The following EXOC2 variants were observed in gnomAD, a reference collection of about 807,000 sequenced individuals.
The protein encoded by EXOC2 is SEC5-like 1.
A neutral mutation model predicts 131.8 loss-of-function variants in EXOC2; 70 were observed. That is an observed-to-expected ratio of 0.53 (90% CI 0.44 to 0.65). The LOEUF is 0.65. Ranked by LOEUF, EXOC2 falls within the 30% of genes least tolerant of loss-of-function variation. The pLI is 0.00. For missense variants in EXOC2, 923 were observed against 1,108.6 expected (o/e 0.83, Z 2.38); for synonymous variants, 411 against 398.4 (o/e 1.03, Z -0.38).
In EXOC2 at chr6:486,629, A is replaced by G; in HGVS notation, c.*42T>C. On this transcript the variant is annotated 3_prime_UTR_variant, in exon 28 of 28. Coordinates refer to ENST00000230449, the MANE Select transcript of EXOC2 (RefSeq NM_018303.6). The stretch of plus-strand genomic sequence containing the variant: ...GGGTACTTAGAGAGTGAACAGTCTT[A>G]TTACGTGTTATTTTCCTGGACTTCT... 6.6e-7 allele frequency: 1 copy of G among 1,514,786 alleles called. No homozygotes were observed. The highest frequency in any genetic ancestry group is 9.2e-7 in the Non-Finnish European group (1 of 1,089,432). 93.8% of individuals were successfully genotyped at this position (1,514,786 alleles called of 1,614,324 possible).
chr6:587,911 T>C (rs1193486329), intron 11 of EXOC2, among the ~76,000 whole-genome samples: 1 of 152,226 alleles, frequency 6.6e-6, no homozygotes, highest in Non-Finnish European at 1.5e-5. Context: ...AAGAATTACA[T>C]ACTGAATTAA....
intron 4 of EXOC2, among the ~76,000 whole-genome samples, chr6:620,742 T>TC (rs1761246364): frequency 1.3e-5 from 2 of 152,316 alleles, no homozygotes; most frequent in African/African-American, 4.8e-5. Context: ...AACATTTTTT[T>TC]CTTCCCTCTT....
At chr6:512,231 C>T (rs1167007427) in intron 23 of EXOC2, among the ~76,000 whole-genome samples, 2 of 152,212 alleles carry the variant, frequency 1.3e-5, no homozygotes, top group African/African-American at 4.8e-5. Context: ...AGTTGGTCCA[C>T]GAACAATACA....
At chr6:604,817 C>T (rs1760312790) in intron 7 of EXOC2, among the ~76,000 whole-genome samples, 1 of 151,478 alleles carries the variant, frequency 6.6e-6, no homozygotes, top group Non-Finnish European at 1.5e-5. Context: ...ACCTGCCTCC[C>T]TCCACTCAGC....
At chr6:513,324 G>A (rs558074659) in intron 23 of EXOC2, among the ~76,000 whole-genome samples, 5 of 152,374 alleles carry the variant, frequency 3.3e-5, no homozygotes, top group African/African-American at 9.6e-5. Context: ...CAGCCCCAGT[G>A]AGGCTAAATG....
chr6:668,600 A>T (rs1561993846), intron 1 of EXOC2, among the ~76,000 whole-genome samples: 1 of 152,132 alleles, frequency 6.6e-6, no homozygotes, highest in Non-Finnish European at 1.5e-5. Flanking sequence ...AACCTCCCTC[A>T]GCCCCAGGTT....
At chr6:542,930 G>A (rs749960379) in intron 22 of EXOC2, among the ~76,000 whole-genome samples, 3 of 152,200 alleles carry the variant, frequency 2.0e-5, no homozygotes, top group Non-Finnish European at 4.4e-5. Flanking sequence ...CAGGCAGTAC[G>A]GAGTCCTGAA....
chr6:532,968 G>A (rs1477580265), intron 22 of EXOC2, among the ~76,000 whole-genome samples: 1 of 152,234 alleles, frequency 6.6e-6, no homozygotes, highest in African/African-American at 2.4e-5. Flanking sequence ...GAAGGCAAAG[G>A]GGAAGCAAGG....
At chr6:568,464 C>T (rs1299211903) in intron 13 of EXOC2, among the ~76,000 whole-genome samples, 2 of 152,242 alleles carry the variant, frequency 1.3e-5, no homozygotes, top group Non-Finnish European at 2.9e-5. Flanking sequence ...GCAATGCATC[C>T]TGCAGACCCT....
intron 10 of EXOC2, among the ~76,000 whole-genome samples, chr6:595,016 G>C (rs903407836): frequency 6.6e-6 from 1 of 152,088 alleles, no homozygotes; most frequent in Non-Finnish European, 1.5e-5. Flanking sequence ...TAAGAATAAA[G>C]GAAGTTTTTA....
intron 23 of EXOC2, among the ~76,000 whole-genome samples, chr6:522,995 C>A (rs770894901): frequency 1.2e-4 from 19 of 152,088 alleles, no homozygotes; most frequent in Non-Finnish European, 2.2e-4. Flanking sequence ...AAAGAAGAAA[C>A]CTGAACAAAA....
chr6:557,617 C>A (rs1474230587), intron 17 of EXOC2, among the ~76,000 whole-genome samples: 881 of 110,888 alleles, frequency 7.9e-3, no homozygotes, highest in East Asian at 0.011. Flanking sequence ...GACTTCATCT[C>A]AAAAAAAAAA....
Position 555,287 on chromosome 6 carries a change from A to C in EXOC2, c.1994T>G (p.Val665Gly). 1 of 1,517,546 alleles carries C rather than the reference A, an allele frequency of 6.6e-7. No homozygotes were observed. The highest frequency in any genetic ancestry group is 8.9e-7 in the Non-Finnish European group (1 of 1,117,784). The allele number at this position is 1,517,546 out of a possible 1,614,324, so 94.0% of individuals were successfully genotyped here. The change falls in exon 20 of 28, where the codon GTT (valine) becomes GGT (glycine). Residue 665 changes from valine to glycine, a missense_variant and splice_region_variant. Coordinates refer to ENST00000230449, the MANE Select transcript of EXOC2 (RefSeq NM_018303.6). Reference sequence around the variant, plus strand: ...CAACTGTTCCAGACAGTATATAAAAACCTAAGTGAAAACATAAGTTTCAGA... The same window carrying C: ...CAACTGTTCCAGACAGTATATAAAACCCTAAGTGAAAACATAAGTTTCAGA... ...VCQLSINIMQVFIYCLEQLST... is the reference protein window; with the variant it reads ...VCQLSINIMQGFIYCLEQLST...
intron 22 of EXOC2, among the ~76,000 whole-genome samples, chr6:546,945 G>A (rs1756898251): frequency 6.6e-6 from 1 of 152,166 alleles, no homozygotes; most frequent in African/African-American, 2.4e-5. Flanking sequence ...CATGAGACCA[G>A]TTTTATTCTT....
chr6:492,174 G>A (rs1208157212), intron 25 of EXOC2, among the ~76,000 whole-genome samples: 1 of 152,178 alleles, frequency 6.6e-6, no homozygotes, highest in Non-Finnish European at 1.5e-5. Context: ...GTGCTACAAA[G>A]ACACCATCCA....
chr6:576,412 C>T (rs1273129850), intron 12 of EXOC2, among the ~76,000 whole-genome samples: 2 of 152,176 alleles, frequency 1.3e-5, no homozygotes, highest in African/African-American at 4.8e-5. Context: ...ACTGATACTA[C>T]TTTTATCGCA....
At chr6:531,077 G>A (rs368777451) in intron 23 of EXOC2, among the ~76,000 whole-genome samples, 4 of 152,224 alleles carry the variant, frequency 2.6e-5, no homozygotes, top group African/African-American at 9.6e-5. Context: ...TGTCTGAGAA[G>A]TCTGGGGTTA....
chr6:634,705 AT>A, intron 2 of EXOC2, among the ~76,000 whole-genome samples: 1 of 152,336 alleles, frequency 6.6e-6, no homozygotes, highest in South Asian at 2.1e-4. Context: ...TAATAATGGC[AT>A]TAAAAGGTTT....
At chr6:540,909 C>T (rs1766775333) in intron 22 of EXOC2, among the ~76,000 whole-genome samples, 1 of 152,146 alleles carries the variant, frequency 6.6e-6, no homozygotes, top group Non-Finnish European at 1.5e-5. Context: ...CAAGGAAAAA[C>T]CTTACTACAT....
Sources: gnomAD v4.1 joint callset for allele counts (sites outside exome capture counted in the v4.1 genomes callset) on GRCh38, gnomAD v4.1.1 for gene constraint, MANE v1.5 for transcripts, NCBI Gene and HGNC (gene_info 2026-07-23, HGNC 2026-07-21) for gene names.